Variants in NT5DC1 observed in about 807,000 individuals in gnomAD.
NT5DC1 encodes 5'-nucleotidase domain-containing protein 1.
NT5DC1 carries 42 observed loss-of-function variants against 59.4 expected under a neutral mutation model. The observed-to-expected ratio is 0.71, with a 90% CI of 0.55 to 0.92. The LOEUF is 0.92. NT5DC1 is among the 40% of genes least tolerant of loss of function. The pLI, the probability that NT5DC1 is intolerant of heterozygous loss-of-function variation, is 0.00. For missense variants in NT5DC1, 501 were observed against 537.1 expected (o/e 0.93, Z 0.66); for synonymous variants, 172 against 188.1 (o/e 0.91, Z 0.70).
At chr6:116,214,817 T>C (rs1020627366) in intron 6 of NT5DC1, among the ~76,000 whole-genome samples, 4 of 149,078 alleles carry the variant, frequency 2.7e-5, no homozygotes, top group African/African-American at 7.6e-5. Context: ...ACTTAAAGTA[T>C]AATAAAAAAA....
intron 6 of NT5DC1, among the ~76,000 whole-genome samples, chr6:116,181,292 G>A (rs1582857644): frequency 6.6e-6 from 1 of 151,844 alleles, no homozygotes; most frequent in Non-Finnish European, 1.5e-5. Context: ...ATGTAATATA[G>A]ATACAAAAGG....
At chr6:116,229,976 A>T (rs1163462920) in intron 8 of NT5DC1, among the ~76,000 whole-genome samples, 2 of 152,178 alleles carry the variant, frequency 1.3e-5, no homozygotes, top group Admixed American at 6.5e-5. Flanking sequence ...GAAACCAAAA[A>T]CAACCAAACA....
rs116504273 is a variant in NT5DC1, at chr6:116,169,597, C to T, written c.530-51457C>T. 4.1e-3 allele frequency among the ~76,000 whole-genome samples: 617 copies of T among 152,300 alleles called. 4 individuals carry two copies. The highest frequency in any genetic ancestry group is 0.014 in the African/African-American group (575 of 41,576). The stretch of plus-strand genomic sequence containing the variant: ...AACTATATGCAGCATTGCATGAGCT[C>T]TTTAGGTATGGGGTAGCCTGTAGTA... On this transcript the variant is annotated intron_variant, in intron 6 of 11. Coordinates refer to ENST00000319550, the MANE Select transcript of NT5DC1 (RefSeq NM_152729.3).
Position 116,129,515 on chromosome 6 carries a change from A to G in NT5DC1, c.529+11570A>G, listed in dbSNP as rs184992321. Among the ~76,000 whole-genome samples the G allele has an allele frequency of 5.0e-3, 758 of 152,292 alleles. 19 individuals carry two copies. The South Asian group carries it at 0.071, about 14-fold the overall frequency. On this transcript the variant is annotated intron_variant, in intron 6 of 11. Transcript: ENST00000319550. Reference sequence around the variant, plus strand: ...TAGTTGTTGTGAGAGTGGGCTTTATATAGAAGCAAGCTCGGCCCCCTTTTG... The same window carrying G: ...TAGTTGTTGTGAGAGTGGGCTTTATGTAGAAGCAAGCTCGGCCCCCTTTTG...
At chr6:116,158,565 A>G (rs1410880813) in intron 6 of NT5DC1, 1 of 152,172 alleles carries the variant, frequency 6.6e-6, no homozygotes, top group Non-Finnish European at 1.5e-5. Context: ...TCATCTAGTC[A>G]CATTATTGGT....
intron 8 of NT5DC1, among the ~76,000 whole-genome samples, chr6:116,235,049 T>C (rs1782089746): frequency 6.6e-6 from 1 of 151,462 alleles, no homozygotes; most frequent in Non-Finnish European, 1.5e-5. Flanking sequence ...TTTTTTTTTT[T>C]TTTTGCTTCC....
chr6:116,239,837 T>C (rs940190845), intron 11 of NT5DC1, among the ~76,000 whole-genome samples: 6 of 151,992 alleles, frequency 3.9e-5, no homozygotes, highest in African/African-American at 7.2e-5. Context: ...CATAAAGATA[T>C]GAGACCACAC....
intron 6 of NT5DC1, among the ~76,000 whole-genome samples, chr6:116,153,772 T>A (rs1041986510): frequency 6.6e-6 from 1 of 152,174 alleles, no homozygotes; most frequent in Non-Finnish European, 1.5e-5. Flanking sequence ...TTTTATGCAA[T>A]GATATGAATA....
chr6:116,129,549 C>T (rs1478340156), intron 6 of NT5DC1, among the ~76,000 whole-genome samples: 1 of 152,188 alleles, frequency 6.6e-6, no homozygotes, highest in African/African-American at 2.4e-5. Context: ...TGCTCTCTTG[C>T]ACACTTTTGC....
intron 6 of NT5DC1, among the ~76,000 whole-genome samples, chr6:116,206,448 C>T (rs895732174): frequency 6.6e-6 from 1 of 151,984 alleles, no homozygotes; most frequent in African/African-American, 2.4e-5. Context: ...ACAACTAAGA[C>T]TTGACTCAAG....
At chr6:116,190,878 C>T (rs1275546986) in intron 6 of NT5DC1, among the ~76,000 whole-genome samples, 1 of 151,950 alleles carries the variant, frequency 6.6e-6, no homozygotes, top group Non-Finnish European at 1.5e-5. Context: ...CTGTGTGGTG[C>T]TTCTACATGG....
chr6:116,130,103 T>G (rs1156731658), intron 6 of NT5DC1, among the ~76,000 whole-genome samples: 1 of 152,120 alleles, frequency 6.6e-6, no homozygotes, highest in East Asian at 1.9e-4. Context: ...ATATTCTGAT[T>G]TTATCATTTG....
intron 6 of NT5DC1, among the ~76,000 whole-genome samples, chr6:116,139,564 T>C (rs553037718): frequency 1.4e-4 from 22 of 152,176 alleles, no homozygotes; most frequent in Non-Finnish European, 2.9e-4. Flanking sequence ...AATAAGTGTA[T>C]TGGAATATTA....
chr6:116,104,060 G>A (rs1778717091), intron 1 of NT5DC1, among the ~76,000 whole-genome samples: 1 of 152,154 alleles, frequency 6.6e-6, no homozygotes, highest in Non-Finnish European at 1.5e-5. Flanking sequence ...ACTCCTGAGA[G>A]ACTGTGAGGT....
At chr6:116,128,797 G>A (rs12202377) in intron 6 of NT5DC1, among the ~76,000 whole-genome samples, 1 of 152,226 alleles carries the variant, frequency 6.6e-6, no homozygotes, top group South Asian at 2.1e-4. Context: ...TTTTCATGAA[G>A]CTCCTCAGGT....
At chr6:116,118,312 C>G (rs1048167343) in intron 6 of NT5DC1, among the ~76,000 whole-genome samples, 1 of 152,156 alleles carries the variant, frequency 6.6e-6, no homozygotes, top group South Asian at 2.1e-4. Flanking sequence ...AAATGTCTGC[C>G]GGCAGAAATT....
At chr6:116,122,247 A>C (rs1222053838) in intron 6 of NT5DC1, among the ~76,000 whole-genome samples, 1 of 152,230 alleles carries the variant, frequency 6.6e-6, no homozygotes, top group Non-Finnish European at 1.5e-5. Flanking sequence ...GAATAAGTGC[A>C]GTGGAGGTAA....
intron 6 of NT5DC1, among the ~76,000 whole-genome samples, chr6:116,178,671 A>G (rs1196764815): frequency 1.3e-5 from 2 of 152,218 alleles, no homozygotes; most frequent in Admixed American, 1.3e-4. Context: ...ATTTTACTGA[A>G]TAGTCCAAAA....
chr6:116,101,162 G>T, intron 1 of NT5DC1, 139 bp downstream of exon 1: 1 of 616,476 alleles, frequency 1.6e-6, no homozygotes, highest in Non-Finnish European at 2.7e-6. Flanking sequence ...GCGGCCTCCA[G>T]CGGCGAGAAG....
Sources: gnomAD v4.1 joint callset for allele counts (sites outside exome capture counted in the v4.1 genomes callset) on GRCh38, gnomAD v4.1.1 for gene constraint, MANE v1.5 for transcripts, NCBI Gene and HGNC (gene_info 2026-07-23, HGNC 2026-07-21) for gene names.